Variants in IL1RAPL2 observed in about 807,000 individuals in gnomAD.
IL1RAPL2 encodes X-linked interleukin-1 receptor accessory protein-like 2.
A neutral mutation model predicts 44.1 loss-of-function variants in IL1RAPL2; 3 were observed. That is an observed-to-expected ratio of 0.07 (90% CI 0.03 to 0.18). IL1RAPL2 has a LOEUF of 0.18. Ranked by LOEUF, IL1RAPL2 falls within the 10% of genes least tolerant of loss-of-function variation. IL1RAPL2 has a pLI of 1.00. For synonymous variants in IL1RAPL2, 181 were observed against 178.8 expected, an observed-to-expected ratio of 1.01 and a Z score of -0.10; for missense variants, 391 against 496.4, an observed-to-expected ratio of 0.79 and a Z score of 2.02.
At chrX:104,648,763 T>C (rs1438786414) in intron 1 of IL1RAPL2, among the ~76,000 whole-genome samples, 1 of 111,763 alleles carries the variant, frequency 8.9e-6, no homozygotes, top group Non-Finnish European at 1.9e-5. Context: ...GATTATATCT[T>C]AATGATCAGA....
intron 5 of IL1RAPL2, among the ~76,000 whole-genome samples, chrX:105,355,106 G>A (rs760748833): frequency 4.5e-5 from 5 of 111,469 alleles, no homozygotes; most frequent in Admixed American, 1.9e-4. Flanking sequence ...GTTCCACCAT[G>A]CAATCCATTT....
chrX:105,576,561 T>C lies in IL1RAPL2; in HGVS notation c.772+92174T>C, dbSNP rs6621985. Among the ~76,000 whole-genome samples the C allele has an allele frequency of 1.1e-4, 12 of 110,169 alleles. No homozygotes were observed. In the South Asian group the frequency reaches 4.3e-3, roughly 39 times the overall value. On this transcript the variant is annotated intron_variant, in intron 6 of 10. Coordinates refer to ENST00000372582, the MANE Select transcript of IL1RAPL2 (RefSeq NM_017416.2). Reference sequence around the variant, plus strand: ...GCACATCCCCATACTGGTCACCTTGTGGGTATTCAGAACGCTTTGCCCAGT... The same window carrying C: ...GCACATCCCCATACTGGTCACCTTGCGGGTATTCAGAACGCTTTGCCCAGT...
At chrX:104,653,628 C>T (rs1930194841) in intron 1 of IL1RAPL2, among the ~76,000 whole-genome samples, 1 of 111,208 alleles carries the variant, frequency 9.0e-6, no homozygotes, top group African/African-American at 3.3e-5. Context: ...TGGCTTCAGA[C>T]ATCAAACTGG....
At chrX:104,620,935 T>G in intron 1 of IL1RAPL2, among the ~76,000 whole-genome samples, 1 of 102,428 alleles carries the variant, frequency 9.8e-6, no homozygotes, top group Non-Finnish European at 1.9e-5. Context: ...ATAATTTATA[T>G]AATAATATAA....
chrX:104,846,270 A>G (rs962678580), intron 2 of IL1RAPL2, among the ~76,000 whole-genome samples: 2 of 110,480 alleles, frequency 1.8e-5, no homozygotes, highest in South Asian at 3.9e-4. Flanking sequence ...ATATGTATAC[A>G]TGTGCCATGT....
intron 2 of IL1RAPL2, among the ~76,000 whole-genome samples, chrX:104,723,430 A>G (rs760608112): frequency 9.0e-6 from 1 of 110,636 alleles, no homozygotes; most frequent in Non-Finnish European, 1.9e-5. Context: ...CCAACTTGCC[A>G]GAAAAAAAGA....
intron 2 of IL1RAPL2, among the ~76,000 whole-genome samples, chrX:104,775,858 GAA>G: frequency 9.5e-6 from 1 of 105,540 alleles, no homozygotes; most frequent in East Asian, 3.0e-4. Flanking sequence ...AAGGGTTTAT[GAA>G]AAAAAAAAGA....
intron 1 of IL1RAPL2, among the ~76,000 whole-genome samples, chrX:104,605,236 T>G (rs1352808159): frequency 1.8e-5 from 2 of 111,074 alleles, no homozygotes; most frequent in South Asian, 3.8e-4. Context: ...AATAATGAAA[T>G]GAAGGGAGAA....
At chrX:104,828,604 G>GC (rs911834882) in intron 2 of IL1RAPL2, among the ~76,000 whole-genome samples, 35 of 111,293 alleles carry the variant, frequency 3.1e-4, no homozygotes, top group Non-Finnish European at 3.8e-5. Flanking sequence ...GAGACAAGGG[G>GC]TCAGGGACCC....
intron 1 of IL1RAPL2, among the ~76,000 whole-genome samples, chrX:104,658,012 A>G (rs776534978): frequency 4.5e-5 from 5 of 112,274 alleles, no homozygotes; most frequent in African/African-American, 1.3e-4. Context: ...CTTTTACACC[A>G]TTGGTGGGAG....
intron 2 of IL1RAPL2, among the ~76,000 whole-genome samples, chrX:104,819,003 C>T (rs145051691): frequency 6.3e-5 from 7 of 111,891 alleles, no homozygotes; most frequent in Non-Finnish European, 1.1e-4. Context: ...AACTCAAGAG[C>T]CCAAGCTGGC....
rs199957607 is a variant in IL1RAPL2 at position 105,102,446 on chromosome X, CTTA to C, written c.83-93028_83-93026del. 7.2e-3 allele frequency among the ~76,000 whole-genome samples: 803 copies of C among 112,124 alleles called. 7 individuals are homozygous for C. The highest frequency in any genetic ancestry group is 0.012 in the Non-Finnish European group (630 of 53,236). ...TGACAACCCACATATTCTCAACTGA[CTTA>C]CTAGTTATTTAGCCACTTATATTAA... On this transcript the variant is annotated intron_variant, in intron 2 of 10. Coordinates refer to ENST00000372582, the MANE Select transcript of IL1RAPL2 (RefSeq NM_017416.2).
intron 2 of IL1RAPL2, among the ~76,000 whole-genome samples, chrX:105,046,914 G>A (rs991750612): frequency 1.7e-4 from 17 of 102,823 alleles, no homozygotes; most frequent in Admixed American, 1.2e-3. Flanking sequence ...TTGTTCTGCC[G>A]CCTTCCTCCC....
At chrX:105,058,441 A>G (rs866441486) in intron 2 of IL1RAPL2, among the ~76,000 whole-genome samples, 83 of 112,058 alleles carry the variant, frequency 7.4e-4, no homozygotes, top group Middle Eastern at 4.6e-3. Context: ...ACAGTTTTGT[A>G]GTCATCTTAC....
At chrX:105,566,406 G>A (rs893371199) in intron 6 of IL1RAPL2, among the ~76,000 whole-genome samples, 4 of 111,447 alleles carry the variant, frequency 3.6e-5, no homozygotes, top group African/African-American at 1.3e-4. Flanking sequence ...TTCTGATTTT[G>A]ACTAATGGGC....
chrX:105,619,252 A>C (rs2037402683), intron 6 of IL1RAPL2, among the ~76,000 whole-genome samples: 1 of 100,810 alleles, frequency 9.9e-6, no homozygotes, highest in Non-Finnish European at 2.0e-5. Context: ...AGGCCAAATA[A>C]AAAAAAAAAA....
At chrX:105,704,715 C>A (rs761014730) in intron 6 of IL1RAPL2, among the ~76,000 whole-genome samples, 4 of 110,724 alleles carry the variant, frequency 3.6e-5, no homozygotes, top group African/African-American at 6.6e-5. Context: ...CTGCACCTAT[C>A]AACCCATCAC....
At chrX:105,352,209 C>T (rs1054631703) in intron 5 of IL1RAPL2, among the ~76,000 whole-genome samples, 1 of 111,950 alleles carries the variant, frequency 8.9e-6, no homozygotes, top group African/African-American at 3.3e-5. Flanking sequence ...GGATTACAGG[C>T]GTGAGCCATG....
At chrX:105,533,189 CAAAAAAAT>C (rs1325859540) in intron 6 of IL1RAPL2, among the ~76,000 whole-genome samples, 1 of 110,226 alleles carries the variant, frequency 9.1e-6, no homozygotes, top group African/African-American at 3.3e-5. Flanking sequence ...GACTCCATCT[CAAAAAAAT>C]AAAAAAATAA....
Sources: allele counts gnomAD v4.1 joint callset (sites outside exome capture counted in the v4.1 genomes callset), GRCh38; gene constraint gnomAD v4.1.1; transcripts MANE v1.5; gene names NCBI Gene and HGNC (gene_info 2026-07-23, HGNC 2026-07-21).